The following AVL9 variants were observed in gnomAD, a reference collection of about 807,000 sequenced individuals.
AVL9 encodes AVL9 cell migration associated.
In AVL9, 49 loss-of-function variants were observed where a neutral mutation model predicts 79.2. The ratio of observed to expected loss-of-function variants is 0.62; its 90% CI spans 0.49 to 0.79. AVL9 has a LOEUF of 0.79. AVL9 is among the 30% of genes least tolerant of loss of function. AVL9 has a pLI of 0.00. For missense variants in AVL9, 682 were observed against 776.8 expected (o/e 0.88, Z 1.45); for synonymous variants, 299 against 280.6 (o/e 1.07, Z -0.65).
At chr7:32,551,605 C>CTTTTTTTTTTTTTTTTTTTTTTT (rs60271681) in intron 5 of AVL9, among the ~76,000 whole-genome samples, 182 bp downstream of exon 5, 1 of 93,780 alleles carries the variant, frequency 1.1e-5, no homozygotes, top group African/African-American at 4.4e-5. Flanking sequence ...TTTAACCAAA[C>CTTTTTTTTTTTTTTTTTTTTTTT]TTTTTTTTTT....
chr7:32,504,437 A>G (rs867000829), intron 1 of AVL9, among the ~76,000 whole-genome samples: 1 of 152,080 alleles, frequency 6.6e-6, no homozygotes, highest in African/African-American at 2.4e-5. Flanking sequence ...GGATCTTTAT[A>G]TACAATATTT....
chr7:32,551,474 A>G (rs1425523276), intron 5 of AVL9, 51 bp downstream of exon 5: 3 of 1,013,504 alleles, frequency 3.0e-6, no homozygotes, highest in Non-Finnish European at 3.1e-6. Flanking sequence ...AGACTCATGA[A>G]TCAAGTAAAT....
At chr7:32,525,171 C>T (rs1428567816) in intron 1 of AVL9, among the ~76,000 whole-genome samples, 1 of 152,180 alleles carries the variant, frequency 6.6e-6, no homozygotes, top group Non-Finnish European at 1.5e-5. Context: ...TTTATTTTTC[C>T]TTTATTTCCA....
At chr7:32,579,321 TTTATATAATATATATAAC>T (rs1211451483) in intron 13 of AVL9, among the ~76,000 whole-genome samples, 1 of 43,518 alleles carries the variant, frequency 2.3e-5, no homozygotes, top group Non-Finnish European at 4.3e-5. Flanking sequence ...TTATATATAT[TTTATATAATATATATAAC>T]ACATATTTTA....
chr7:32,507,830 A>G (rs1787477866), intron 1 of AVL9, among the ~76,000 whole-genome samples: 1 of 152,202 alleles, frequency 6.6e-6, no homozygotes, highest in African/African-American at 2.4e-5. Context: ...TGTTTTCCGA[A>G]ACAGTGGAAC....
intron 3 of AVL9, among the ~76,000 whole-genome samples, chr7:32,548,610 G>T (rs1789647489): frequency 6.6e-6 from 1 of 152,088 alleles, no homozygotes; most frequent in Admixed American, 6.5e-5. Context: ...TAAATTCCTT[G>T]AGATTCGGGA....
In AVL9 at chr7:32,554,628, A is replaced by C. The variant is rs111347146; in HGVS notation, c.609+32A>C. The C allele has an allele frequency of 1.4e-3, 1,957 of 1,383,376 alleles. 25 individuals carry two copies. In the African/African-American group the frequency reaches 0.025, roughly 18 times the overall value. The allele number at this position is 1,383,376 out of a possible 1,614,324, so 85.7% of individuals were successfully genotyped here. A position where few individuals can be genotyped will look rare whatever the true frequency, so the allele number is the denominator to read the frequency against. On this transcript the variant is annotated intron_variant, in intron 8 of 15. Coordinates refer to ENST00000318709, the MANE Select transcript of AVL9 (RefSeq NM_015060.3). ...TCCTAAGGGATGAAAGGAAAGATGG[A>C]GTATTTAACTTTTATTCACTTTTTT...
chr7:32,559,725 A>G (rs564705616), intron 10 of AVL9, among the ~76,000 whole-genome samples: 9 of 152,264 alleles, frequency 5.9e-5, no homozygotes, highest in East Asian at 5.8e-4. Flanking sequence ...TCTTGGGTCT[A>G]TTTTTAATTA....
chr7:32,503,421 G>C lies in AVL9; in HGVS notation c.93+7619G>C, dbSNP rs766375322. Among the ~76,000 whole-genome samples the C allele has an allele frequency of 4.5e-3, 542 of 119,838 alleles. 3 individuals are homozygous for C. Among genetic ancestry groups the C allele is most frequent in the Non-Finnish European group, 6.3e-3 (333 of 52,444 alleles). 78.6% of individuals were successfully genotyped at this position (119,838 alleles called of 152,430 possible). On this transcript the variant is annotated intron_variant, in intron 1 of 15. Transcript: ENST00000318709. ...ACACACACACAAATTAGCCGGGCTT[G>C]GTGGCACGTGCCTGTAGTCCCAGCT...
intron 1 of AVL9, among the ~76,000 whole-genome samples, chr7:32,521,236 G>T (rs1788137085): frequency 6.6e-6 from 1 of 152,170 alleles, no homozygotes; most frequent in Non-Finnish European, 1.5e-5. Context: ...TTGGAACTGG[G>T]TAACAGGCAG....
At chr7:32,534,474 A>T (rs1248318306) in intron 1 of AVL9, 2 of 152,178 alleles carry the variant, frequency 1.3e-5, no homozygotes, top group African/African-American at 4.8e-5. Flanking sequence ...GAAATGAGAA[A>T]ATCTCAAGAG....
At chr7:32,560,318 A>C (rs1055105682) in intron 10 of AVL9, among the ~76,000 whole-genome samples, 8 of 151,900 alleles carry the variant, frequency 5.3e-5, no homozygotes, top group Non-Finnish European at 1.0e-4. Flanking sequence ...AATAAAGTGA[A>C]GTACAATTAA....
intron 10 of AVL9, among the ~76,000 whole-genome samples, chr7:32,564,923 C>T (rs1025308976): frequency 1.3e-5 from 2 of 152,016 alleles, no homozygotes; most frequent in African/African-American, 4.8e-5. Context: ...CACTTTCTAA[C>T]CAGAGGAACA....
intron 3 of AVL9, among the ~76,000 whole-genome samples, chr7:32,546,085 A>ATTTTTTTTTT (rs1562779099): frequency 0.037 from 1,136 of 30,788 alleles, 15 homozygotes; most frequent in African/African-American, 0.09. Flanking sequence ...TTTTTTTTTA[A>ATTTTTTTTTT]ATATCTGTAC....
intron 1 of AVL9, chr7:32,533,273 C>T: frequency 6.6e-6 from 1 of 152,292 alleles, no homozygotes; most frequent in Non-Finnish European, 1.5e-5. Flanking sequence ...TGCCACTGCA[C>T]TCCAGACTGG....
intron 13 of AVL9, among the ~76,000 whole-genome samples, chr7:32,577,856 T>TA (rs770227770): frequency 1.1e-4 from 17 of 152,152 alleles, no homozygotes; most frequent in Non-Finnish European, 2.2e-4. Context: ...ATCATGCAGA[T>TA]ATGATAGTGC....
intron 1 of AVL9, among the ~76,000 whole-genome samples, chr7:32,540,871 C>CTTTTTTTTTTTT (rs749306635): frequency 1.4e-5 from 1 of 72,470 alleles, no homozygotes; most frequent in African/African-American, 4.8e-5. Flanking sequence ...TGTTGTACTA[C>CTTTTTTTTTTTT]TTTTTTTTTT....
chr7:32,559,687 T>C (rs1432527835), intron 10 of AVL9, among the ~76,000 whole-genome samples: 4 of 152,298 alleles, frequency 2.6e-5, no homozygotes, highest in African/African-American at 7.2e-5. Flanking sequence ...TGAAACTTAG[T>C]AGATATGAGT....
At chr7:32,565,778 C>T (rs1424975582) in intron 10 of AVL9, among the ~76,000 whole-genome samples, 1 of 151,962 alleles carries the variant, frequency 6.6e-6, no homozygotes, top group African/African-American at 2.4e-5. Flanking sequence ...GAGGCCGAGG[C>T]GGGCACATCA....
Sources: gnomAD v4.1 joint callset for allele counts (sites outside exome capture counted in the v4.1 genomes callset) on GRCh38, gnomAD v4.1.1 for gene constraint, MANE v1.5 for transcripts, NCBI Gene and HGNC (gene_info 2026-07-23, HGNC 2026-07-21) for gene names.